The following ANKIB1 variants were observed in gnomAD, a reference collection of about 807,000 sequenced individuals.
ANKIB1 encodes ankyrin repeat and IBR domain containing 1.
ANKIB1 carries 43 observed loss-of-function variants against 122.1 expected under a neutral mutation model. That is an observed-to-expected ratio of 0.35 (90% confidence interval 0.28 to 0.45). The LOEUF is 0.45. ANKIB1 is among the 20% of genes least tolerant of loss of function. ANKIB1 has a pLI of 1.00. For synonymous variants in ANKIB1, 390 were observed against 442.0 expected (o/e 0.88, Z 1.48); for missense variants, 992 against 1,329.5 (o/e 0.75, Z 3.95).
At chr7:92,298,038 C>T (rs1299938274) in intron 2 of ANKIB1, among the ~76,000 whole-genome samples, 1 of 152,094 alleles carries the variant, frequency 6.6e-6, no homozygotes, top group African/African-American at 2.4e-5. Context: ...GTGAATTCAT[C>T]CCCAACTACT....
At chr7:92,325,823 A>G (rs1425238185) in intron 4 of ANKIB1, 1 of 303,286 alleles carries the variant, frequency 3.3e-6, no homozygotes, top group East Asian at 7.9e-5. Context: ...CTGTTTCACA[A>G]TCTTTCAATG....
chr7:92,259,850 T>G (rs1310776169), intron 1 of ANKIB1, among the ~76,000 whole-genome samples: 2 of 152,132 alleles, frequency 1.3e-5, no homozygotes, highest in African/African-American at 4.8e-5. Flanking sequence ...TTGTCTTCTC[T>G]CTCACTTCTG....
At chr7:92,288,738 G>A (rs1423695596) in intron 1 of ANKIB1, among the ~76,000 whole-genome samples, 1 of 152,074 alleles carries the variant, frequency 6.6e-6, no homozygotes, top group Non-Finnish European at 1.5e-5. Context: ...CAAGATGTAT[G>A]CATGGCAAAT....
At chr7:92,358,266 C>T (rs1562791752) in intron 9 of ANKIB1, among the ~76,000 whole-genome samples, 1 of 152,152 alleles carries the variant, frequency 6.6e-6, no homozygotes, top group Non-Finnish European at 1.5e-5. Flanking sequence ...CAACCTCAAC[C>T]TCTTTAATTC....
intron 1 of ANKIB1, among the ~76,000 whole-genome samples, chr7:92,273,580 G>A (rs1184749176): frequency 6.6e-6 from 1 of 152,158 alleles, no homozygotes; most frequent in East Asian, 1.9e-4. Flanking sequence ...TGAAGATGAA[G>A]TAAATGTAGG....
At chr7:92,279,476 G>T (rs1053148777) in intron 1 of ANKIB1, among the ~76,000 whole-genome samples, 15 of 152,160 alleles carry the variant, frequency 9.9e-5, no homozygotes, top group Admixed American at 7.2e-4. Flanking sequence ...GTCCTTTCCT[G>T]TGGGCATTTG....
At chr7:92,360,924 G>T (rs923241851) in intron 9 of ANKIB1, among the ~76,000 whole-genome samples, 9 of 152,028 alleles carry the variant, frequency 5.9e-5, no homozygotes, top group Non-Finnish European at 1.2e-4. Context: ...GACTGCAGTG[G>T]CATGATGTCA....
chr7:92,350,637 C>A lies in ANKIB1; in HGVS notation c.1086-313C>A, dbSNP rs547452131. On this transcript the variant is annotated intron_variant, in intron 7 of 19. Coordinates refer to ENST00000265742, the MANE Select transcript of ANKIB1 (RefSeq NM_019004.2). ...CTTTGGGAGGCCAAGGCAGGAGAAT[C>A]GCTTGAGACCAGGGGTTCGAGATCA... Among the ~76,000 whole-genome samples the A allele has an allele frequency of 2.6e-3, 400 of 152,162 alleles. 2 individuals are homozygous for A. The highest frequency in any genetic ancestry group is 9.1e-3 in the African/African-American group (378 of 41,520).
chr7:92,315,019 TAA>T (rs879287392), intron 3 of ANKIB1, among the ~76,000 whole-genome samples: 3 of 144,486 alleles, frequency 2.1e-5, no homozygotes, highest in African/African-American at 5.1e-5. Flanking sequence ...AAAGAAAGGT[TAA>T]AAAAAAAAAG....
intron 2 of ANKIB1, among the ~76,000 whole-genome samples, chr7:92,304,822 T>A (rs2131932004): frequency 6.6e-6 from 1 of 152,116 alleles, no homozygotes; most frequent in South Asian, 2.1e-4. Context: ...ATAGGGAAAA[T>A]ATATATTTTA....
At chr7:92,333,609 A>T (rs1317839477) in intron 5 of ANKIB1, among the ~76,000 whole-genome samples, 1 of 152,034 alleles carries the variant, frequency 6.6e-6, no homozygotes, top group African/African-American at 2.4e-5. Context: ...TATTTTACTC[A>T]TGTCTTTCTC....
rs527486645 is a variant in ANKIB1, at chr7:92,396,377, T to C, written c.2296T>C (p.Phe766Leu). The C allele has an allele frequency of 3.4e-5, 53 of 1,576,372 alleles. No homozygotes were observed. In the South Asian group the frequency reaches 4.4e-4, roughly 13 times the overall value. ...TTGGTTTATGCAGGAATATGCTGAA[T>C]TTCAGTATCGGAGGAGGCACAGACA... ...GFASPEEYAE[F>L]QYRRRHRQRR... Residue 766 changes from phenylalanine to leucine, a missense_variant, in exon 18 of 20, where the codon TTT (phenylalanine) becomes CTT (leucine). Coordinates refer to ENST00000265742, the MANE Select transcript of ANKIB1 (RefSeq NM_019004.2).
chr7:92,291,715 T>C (rs908946597), intron 1 of ANKIB1, among the ~76,000 whole-genome samples: 11 of 151,958 alleles, frequency 7.2e-5, no homozygotes, highest in Non-Finnish European at 1.2e-4. Flanking sequence ...TAGCTGGTAT[T>C]ACAGGCACCC....
At chr7:92,343,274 T>G in intron 6 of ANKIB1, 42 bp downstream of exon 6, 1 of 1,528,676 alleles carries the variant, frequency 6.5e-7, no homozygotes, top group South Asian at 1.1e-5. Context: ...GCTTTGTTTA[T>G]AGTCTTTTAA....
intron 4 of ANKIB1, among the ~76,000 whole-genome samples, chr7:92,324,346 G>A (rs1178319440): frequency 6.6e-6 from 1 of 152,158 alleles, no homozygotes; most frequent in African/African-American, 2.4e-5. Context: ...CCATTCTCCT[G>A]CCTGAGCCTC....
intron 11 of ANKIB1, among the ~76,000 whole-genome samples, 189 bp downstream of exon 11, chr7:92,371,796 A>G (rs1396634999): frequency 2.0e-5 from 3 of 152,140 alleles, no homozygotes; most frequent in Non-Finnish European, 4.4e-5. Flanking sequence ...TGGGCAAAAC[A>G]CCAAAACCCC....
intron 10 of ANKIB1, among the ~76,000 whole-genome samples, chr7:92,364,923 G>A (rs1225956913): frequency 3.3e-5 from 5 of 152,110 alleles, no homozygotes; most frequent in Admixed American, 6.5e-5. Context: ...GTGACTTTCC[G>A]GGGAAAATAA....
At chr7:92,392,548 A>G (rs1005699455) in intron 17 of ANKIB1, among the ~76,000 whole-genome samples, 5 of 152,062 alleles carry the variant, frequency 3.3e-5, no homozygotes, top group Non-Finnish European at 7.4e-5. Context: ...TACAATATAC[A>G]TTTTTGGAAA....
At chr7:92,260,144 G>A (rs1031128909) in intron 1 of ANKIB1, among the ~76,000 whole-genome samples, 1 of 151,884 alleles carries the variant, frequency 6.6e-6, no homozygotes, top group Non-Finnish European at 1.5e-5. Flanking sequence ...AGAATAAAAA[G>A]GTAGTGATTT....
Sources: gnomAD v4.1 joint callset for allele counts (sites outside exome capture counted in the v4.1 genomes callset) on GRCh38, gnomAD v4.1.1 for gene constraint, MANE v1.5 for transcripts, NCBI Gene and HGNC (gene_info 2026-07-23, HGNC 2026-07-21) for gene names.